Variants in DENND1B observed in about 807,000 individuals in gnomAD.
The protein encoded by DENND1B is DENN domain containing 1B.
DENND1B carries 59 observed loss-of-function variants against 90.1 expected under a neutral mutation model. The observed-to-expected ratio is 0.65, with a 90% confidence interval of 0.53 to 0.81. The LOEUF is 0.81. Among genes scored for constraint, DENND1B ranks in the 40% least tolerant of loss-of-function variants. DENND1B has a pLI of 0.00. For missense variants in DENND1B, 862 were observed against 912.6 expected (o/e 0.94, Z 0.71); for synonymous variants, 337 against 324.6 (o/e 1.04, Z -0.41).
At chr1:197,714,325 T>G (rs1327885794) in intron 3 of DENND1B, among the ~76,000 whole-genome samples, 1 of 152,072 alleles carries the variant, frequency 6.6e-6, no homozygotes, top group African/African-American at 2.4e-5. Context: ...AAATCTGTAT[T>G]ATTTACCATA....
intron 20 of DENND1B, among the ~76,000 whole-genome samples, chr1:197,523,176 A>C (rs139544219): frequency 6.6e-6 from 1 of 152,102 alleles, no homozygotes; most frequent in Admixed American, 6.6e-5. Context: ...ATTCATTTAT[A>C]TAAAACAAAA....
intron 18 of DENND1B, among the ~76,000 whole-genome samples, chr1:197,544,169 G>T (rs1305276128): frequency 6.6e-6 from 1 of 152,166 alleles, no homozygotes; most frequent in Non-Finnish European, 1.5e-5. Context: ...AAACATTTTT[G>T]TGTAGGGTTG....
chr1:197,617,377 C>T lies in DENND1B; in HGVS notation c.773+282G>A, dbSNP rs185758334. ...TAACTTCTATACAGTTTTCCTAACACAACTTAAGACTGTTATTTTTTTCTA... is the reference window on the plus strand; with the variant it reads ...TAACTTCTATACAGTTTTCCTAACATAACTTAAGACTGTTATTTTTTTCTA... On this transcript the variant is annotated intron_variant, in intron 11 of 22. Coordinates refer to ENST00000620048, the MANE Select transcript of DENND1B (RefSeq NM_001195215.2). 2.2e-3 allele frequency among the ~76,000 whole-genome samples: 331 copies of T among 151,230 alleles called. 2 individuals are homozygous for T. The highest frequency in any genetic ancestry group is 7.7e-3 in the African/African-American group (319 of 41,402).
chr1:197,692,092 GT>G (rs1032079097), intron 3 of DENND1B, among the ~76,000 whole-genome samples: 3 of 151,280 alleles, frequency 2.0e-5, no homozygotes, highest in Admixed American at 6.6e-5. Context: ...TTAACAATTT[GT>G]TTATAGAGTA....
intron 10 of DENND1B, among the ~76,000 whole-genome samples, chr1:197,628,764 T>G (rs1489156725): frequency 6.6e-6 from 1 of 151,884 alleles, no homozygotes; most frequent in Non-Finnish European, 1.5e-5. Context: ...AGAAAATTTT[T>G]GCAACCTACT....
At chr1:197,682,721 T>A (rs928409087) in intron 3 of DENND1B, among the ~76,000 whole-genome samples, 3 of 151,946 alleles carry the variant, frequency 2.0e-5, no homozygotes, top group African/African-American at 4.8e-5. Flanking sequence ...GAAAGAGCGG[T>A]GGAGGGGAAG....
At chr1:197,702,188 G>A (rs969787987) in intron 3 of DENND1B, among the ~76,000 whole-genome samples, 8 of 152,048 alleles carry the variant, frequency 5.3e-5, no homozygotes, top group African/African-American at 1.9e-4. Flanking sequence ...TATTTCAAAT[G>A]AGCTAGACTT....
At chr1:197,600,857 G>A (rs962684578) in intron 13 of DENND1B, among the ~76,000 whole-genome samples, 5 of 151,530 alleles carry the variant, frequency 3.3e-5, no homozygotes, top group South Asian at 2.1e-4. Context: ...TTCCTGCCAC[G>A]TCATAAGAAA....
At chr1:197,613,028 C>A (rs1217961218) in intron 11 of DENND1B, among the ~76,000 whole-genome samples, 1 of 150,708 alleles carries the variant, frequency 6.6e-6, no homozygotes, top group Non-Finnish European at 1.5e-5. Flanking sequence ...TTTGGCAATT[C>A]TTTTATAGGC....
chr1:197,765,640 G>GA (rs1655611302), intron 2 of DENND1B, among the ~76,000 whole-genome samples: 1 of 152,180 alleles, frequency 6.6e-6, no homozygotes, highest in South Asian at 2.1e-4. Flanking sequence ...GAACAAACTT[G>GA]CACTGTGGCA....
chr1:197,638,530 C>T (rs938234568), intron 10 of DENND1B, among the ~76,000 whole-genome samples: 1 of 152,142 alleles, frequency 6.6e-6, no homozygotes, highest in Admixed American at 6.5e-5. Context: ...TAGAGAAAGT[C>T]TGGTGAGGTA....
intron 3 of DENND1B, among the ~76,000 whole-genome samples, chr1:197,680,954 A>G (rs886248539): frequency 6.6e-6 from 1 of 152,310 alleles, no homozygotes; most frequent in South Asian, 2.1e-4. Context: ...GGATAATATC[A>G]AGCACATTAA....
rs78625550 is a variant in DENND1B at position 197,722,545 on chromosome 1, T to C, written c.83-7471A>G. ...CACCAAGCCAAATATTTGTATTTTGTAAAACAATGGCCTAAATCTTACAGA... is the reference window on the plus strand; with the variant it reads ...CACCAAGCCAAATATTTGTATTTTGCAAAACAATGGCCTAAATCTTACAGA... On this transcript the variant is annotated intron_variant, in intron 2 of 22. Transcript: ENST00000620048. 3.0e-3 allele frequency among the ~76,000 whole-genome samples: 455 copies of C among 152,264 alleles called. 7 individuals are homozygous for C. The highest frequency in any genetic ancestry group is 0.024 in the Admixed American group (373 of 15,306).
chr1:197,714,913 G>C, intron 3 of DENND1B, 118 bp downstream of exon 3: 1 of 758,954 alleles, frequency 1.3e-6, no homozygotes, highest in Non-Finnish European at 2.2e-6. Flanking sequence ...TTGATCAAGA[G>C]AAAATAATTT....
At chr1:197,713,800 ATT>A (rs1660240229) in intron 3 of DENND1B, among the ~76,000 whole-genome samples, 2 of 23,936 alleles carry the variant, frequency 8.4e-5, no homozygotes, top group African/African-American at 1.0e-4. Context: ...ATATTATTAT[ATT>A]ATAATATATT....
chr1:197,668,855 C>T (rs1655200244), intron 5 of DENND1B, among the ~76,000 whole-genome samples: 1 of 146,250 alleles, frequency 6.8e-6, no homozygotes. Flanking sequence ...CCTTCAAAAG[C>T]TTATACCATT....
At chr1:197,562,303 T>A (rs1400571282) in intron 15 of DENND1B, among the ~76,000 whole-genome samples, 4 of 151,938 alleles carry the variant, frequency 2.6e-5, no homozygotes, top group African/African-American at 9.7e-5. Context: ...TTTACTGCAC[T>A]TCAAAGACAG....
At chr1:197,536,160 T>TGAGATGAGATG (rs1553278763) in intron 20 of DENND1B, among the ~76,000 whole-genome samples, 5 of 126,328 alleles carry the variant, frequency 4.0e-5, no homozygotes, top group East Asian at 2.4e-4. Flanking sequence ...GAGAGAGAGA[T>TGAGATGAGATG]AGATGAGATG....
At chr1:197,707,881 C>A (rs1659757996) in intron 3 of DENND1B, among the ~76,000 whole-genome samples, 1 of 149,112 alleles carries the variant, frequency 6.7e-6, no homozygotes, top group African/African-American at 2.4e-5. Context: ...GCACCGTGCG[C>A]GAGCCGAAGC....
Sources: allele counts gnomAD v4.1 joint callset (sites outside exome capture counted in the v4.1 genomes callset), GRCh38; gene constraint gnomAD v4.1.1; transcripts MANE v1.5; gene names NCBI Gene and HGNC (gene_info 2026-07-23, HGNC 2026-07-21).